Variants in SUGCT observed in about 807,000 individuals in gnomAD.
The protein encoded by SUGCT is succinyl-CoA:glutarate CoA-transferase.
SUGCT carries 41 observed loss-of-function variants against 55.0 expected under a neutral mutation model. The ratio of observed to expected loss-of-function variants is 0.74; its 90% CI spans 0.58 to 0.97. The LOEUF (loss-of-function observed/expected upper bound fraction) is 0.97. SUGCT is among the 50% of genes least tolerant of loss of function. The pLI is 0.00. For missense variants in SUGCT, 568 were observed against 547.8 expected (o/e 1.04, Z -0.37); for synonymous variants, 187 against 200.4 (o/e 0.93, Z 0.56).
At chr7:40,769,542 A>G (rs1788981522) in intron 13 of SUGCT, among the ~76,000 whole-genome samples, 1 of 152,356 alleles carries the variant, frequency 6.6e-6, no homozygotes, top group Non-Finnish European at 1.5e-5. Context: ...AGCAGAGAGC[A>G]GGGTGATAAG....
At chr7:41,020,720 G>A in the SUGCT span, among the ~76,000 whole-genome samples, 2 of 152,166 alleles carry the variant, frequency 1.3e-5, no homozygotes, top group Admixed American at 1.3e-4. Context: ...TTCTAGCAAC[G>A]TGGAGGGCTG....
At chr7:40,153,185 A>C (rs1788671883) in intron 1 of SUGCT, 1 of 330,774 alleles carries the variant, frequency 3.0e-6, no homozygotes, top group African/African-American at 2.2e-5. Context: ...GATTATTGTG[A>C]AACTCCAGCC....
At chr7:40,960,512 A>G in the SUGCT span, among the ~76,000 whole-genome samples, 2 of 152,210 alleles carry the variant, frequency 1.3e-5, no homozygotes, top group Non-Finnish European at 2.9e-5. Context: ...AAAATCCTGG[A>G]CAATACATAA....
At chr7:40,754,182 T>C (rs149075690) in intron 13 of SUGCT, among the ~76,000 whole-genome samples, 12 of 152,274 alleles carry the variant, frequency 7.9e-5, no homozygotes, top group East Asian at 1.9e-4. Context: ...TTAAAGCCTA[T>C]TATACAGTTA....
chr7:40,989,153 C>A, the SUGCT span, among the ~76,000 whole-genome samples: 1 of 152,098 alleles, frequency 6.6e-6, no homozygotes, highest in Non-Finnish European at 1.5e-5. Context: ...CACATTGTAA[C>A]CTGTTTGCAG....
chr7:40,916,837 A>G, the SUGCT span, among the ~76,000 whole-genome samples: 1 of 152,236 alleles, frequency 6.6e-6, no homozygotes, highest in South Asian at 2.1e-4. Flanking sequence ...AAAAATGTCC[A>G]TACATGAAGC....
At chr7:40,947,343 A>G in the SUGCT span, among the ~76,000 whole-genome samples, 1 of 152,068 alleles carries the variant, frequency 6.6e-6, no homozygotes, top group Non-Finnish European at 1.5e-5. Flanking sequence ...ATGAGGCATT[A>G]TTTCCTTTAT....
chr7:40,400,391 G>A (rs1373457138), intron 9 of SUGCT, among the ~76,000 whole-genome samples: 1 of 152,186 alleles, frequency 6.6e-6, no homozygotes, highest in African/African-American at 2.4e-5. Context: ...CCTGGCTGAA[G>A]GCAAAGGAGG....
chr7:40,941,730 T>C, the SUGCT span, among the ~76,000 whole-genome samples: 1 of 152,228 alleles, frequency 6.6e-6, no homozygotes, highest in Non-Finnish European at 1.5e-5. Context: ...TAATAATTGT[T>C]TTATAAATCT....
At chr7:40,485,740 G>A (rs1257951507) in intron 11 of SUGCT, among the ~76,000 whole-genome samples, 1 of 151,922 alleles carries the variant, frequency 6.6e-6, no homozygotes, top group Non-Finnish European at 1.5e-5. Flanking sequence ...ATTTGTGGAG[G>A]GTTTTTATCA....
At chr7:40,903,989 C>T in the SUGCT span, among the ~76,000 whole-genome samples, 2 of 152,096 alleles carry the variant, frequency 1.3e-5, no homozygotes, top group Non-Finnish European at 2.9e-5. Flanking sequence ...TGGCCGCTGC[C>T]CAAGCTTGGC....
rs1321950151 is a variant in SUGCT at position 40,384,142 on chromosome 7, A to G, written c.817-65145A>G. Among the ~76,000 whole-genome samples the G allele has an allele frequency of 2.6e-5, 4 of 152,214 alleles. No individual in the cohort carries two copies. In the South Asian group the frequency reaches 8.3e-4, roughly 32 times the overall value. On this transcript the variant is annotated intron_variant, in intron 9 of 13. Coordinates refer to ENST00000335693, the MANE Select transcript of SUGCT (RefSeq NM_001193313.2). ...ACATGATTGTGGGTAAATACTATAG[A>G]TAAGGGGTAGCCCTTAATTTTCTTA...
the SUGCT span, among the ~76,000 whole-genome samples, chr7:40,938,753 C>T: frequency 2.0e-5 from 3 of 152,178 alleles, no homozygotes; most frequent in Admixed American, 1.3e-4. Flanking sequence ...CACTATACCA[C>T]TCTGAATGTA....
intron 9 of SUGCT, among the ~76,000 whole-genome samples, chr7:40,417,649 A>G (rs1313608161): frequency 6.6e-6 from 1 of 151,766 alleles, no homozygotes; most frequent in East Asian, 1.9e-4. Flanking sequence ...GGGCCTGAAT[A>G]AAATATTTGT....
chr7:40,714,846 C>T (rs898184217), intron 12 of SUGCT, among the ~76,000 whole-genome samples: 1 of 152,176 alleles, frequency 6.6e-6, no homozygotes, highest in African/African-American at 2.4e-5. Context: ...ATAATACTTG[C>T]ACAGTTCCTA....
At chr7:40,774,263 T>G (rs1789337884) in intron 13 of SUGCT, among the ~76,000 whole-genome samples, 1 of 152,174 alleles carries the variant, frequency 6.6e-6, no homozygotes, top group Non-Finnish European at 1.5e-5. Flanking sequence ...TTAATGTATC[T>G]CATGAAAGCC....
intron 12 of SUGCT, among the ~76,000 whole-genome samples, chr7:40,588,887 C>T (rs941734650): frequency 3.3e-5 from 5 of 152,004 alleles, no homozygotes; most frequent in African/African-American, 1.2e-4. Flanking sequence ...ATTTGCTTGC[C>T]ATTTTCCTTA....
At chr7:40,245,199 C>A (rs1789734211) in intron 7 of SUGCT, among the ~76,000 whole-genome samples, 1 of 150,034 alleles carries the variant, frequency 6.7e-6, no homozygotes, top group South Asian at 2.1e-4. Context: ...GCATTACAGG[C>A]ACCTGCCACC....
chr7:40,423,161 C>T (rs1199103709), intron 9 of SUGCT, among the ~76,000 whole-genome samples: 6 of 152,082 alleles, frequency 3.9e-5, no homozygotes, highest in Non-Finnish European at 8.8e-5. Context: ...GCCTATATTC[C>T]CATCTCTGCT....
Sources: gnomAD v4.1 joint callset for allele counts (sites outside exome capture counted in the v4.1 genomes callset) on GRCh38, gnomAD v4.1.1 for gene constraint, MANE v1.5 for transcripts, NCBI Gene and HGNC (gene_info 2026-07-23, HGNC 2026-07-21) for gene names.